The following SGCZ variants were observed in gnomAD, a reference collection of about 807,000 sequenced individuals.
SGCZ encodes sarcoglycan zeta, also known as zeta-sarcoglycan.
In SGCZ, 40 loss-of-function variants were observed where a neutral mutation model predicts 41.3. The observed-to-expected ratio is 0.97, with a 90% CI of 0.75 to 1.26. SGCZ has a LOEUF of 1.26. Among genes scored for constraint, SGCZ ranks in the 50% most tolerant of loss-of-function variants. The pLI, the probability that SGCZ is intolerant of heterozygous loss-of-function variation, is 0.00. For synonymous variants in SGCZ, 206 were observed against 137.5 expected, an observed-to-expected ratio of 1.50 and a Z score of -3.49; for missense variants, 552 against 369.8, an observed-to-expected ratio of 1.49 and a Z score of -4.04.
chr8:14,227,596 G>C (rs991340400), intron 4 of SGCZ, among the ~76,000 whole-genome samples: 3 of 152,006 alleles, frequency 2.0e-5, no homozygotes, highest in African/African-American at 7.2e-5. Context: ...ATTCAGAACT[G>C]ATTAAATATT....
chr8:15,120,622 G>T (rs554670373), intron 1 of SGCZ, among the ~76,000 whole-genome samples: 2 of 152,148 alleles, frequency 1.3e-5, no homozygotes, highest in African/African-American at 2.4e-5. Flanking sequence ...GTTTTGTGAT[G>T]TAATAGATAT....
At chr8:14,620,961 A>T (rs995742552) in intron 1 of SGCZ, among the ~76,000 whole-genome samples, 15 of 152,282 alleles carry the variant, frequency 9.9e-5, no homozygotes, top group South Asian at 2.1e-4. Context: ...AGGATTATAA[A>T]TCATGCTGCT....
In SGCZ at chr8:15,035,154, TA is replaced by T. The variant is rs529966055; in HGVS notation, c.39+202430del. Among the ~76,000 whole-genome samples the T allele has an allele frequency of 3.9e-5, 6 of 152,160 alleles. 1 individual carries two copies. The South Asian group carries it at 1.2e-3, about 32-fold the overall frequency. On this transcript the variant is annotated intron_variant, in intron 1 of 7. Coordinates refer to ENST00000382080, the MANE Select transcript of SGCZ (RefSeq NM_139167.4). Reference sequence around the variant, plus strand: ...GATAATAATAGCTATAATAACTTGCTAGGGGAAACACAATATAAAGAGGTGT... The same window carrying T: ...GATAATAATAGCTATAATAACTTGCTGGGGAAACACAATATAAAGAGGTGT...
At chr8:14,664,899 G>A (rs1382339267) in intron 1 of SGCZ, among the ~76,000 whole-genome samples, 1 of 152,150 alleles carries the variant, frequency 6.6e-6, no homozygotes, top group Admixed American at 6.6e-5. Flanking sequence ...AGTAGAGGTG[G>A]CTTTGAGACC....
At chr8:15,199,473 C>A (rs968867874) in intron 1 of SGCZ, among the ~76,000 whole-genome samples, 1 of 152,064 alleles carries the variant, frequency 6.6e-6, no homozygotes, top group African/African-American at 2.4e-5. Flanking sequence ...TTCGAATGAT[C>A]CATGTGTTCT....
chr8:14,377,760 A>C (rs545169807), intron 2 of SGCZ, among the ~76,000 whole-genome samples: 1 of 150,022 alleles, frequency 6.7e-6, no homozygotes, highest in African/African-American at 2.5e-5. Flanking sequence ...ATTCCCACCT[A>C]TGAGTGAGAA....
chr8:15,157,055 G>A (rs890191945), intron 1 of SGCZ, among the ~76,000 whole-genome samples: 1 of 151,668 alleles, frequency 6.6e-6, no homozygotes, highest in Non-Finnish European at 1.5e-5. Context: ...AAAAAAACAT[G>A]AACAGTGAAC....
chr8:15,190,469 G>T (rs1263479695), intron 1 of SGCZ, among the ~76,000 whole-genome samples: 5 of 152,064 alleles, frequency 3.3e-5, no homozygotes. Flanking sequence ...TCTAGTCAGA[G>T]AAATAGGCAA....
intron 1 of SGCZ, among the ~76,000 whole-genome samples, chr8:14,978,187 G>T (rs938653704): frequency 6.6e-6 from 1 of 151,758 alleles, no homozygotes; most frequent in Non-Finnish European, 1.5e-5. Flanking sequence ...GTGCCTGCTG[G>T]CCGGGTGTGG....
At chr8:14,348,721 G>A (rs145239606) in intron 2 of SGCZ, among the ~76,000 whole-genome samples, 1 of 152,060 alleles carries the variant, frequency 6.6e-6, no homozygotes, top group Admixed American at 6.6e-5. Context: ...AGCTGATTTG[G>A]TGTAAGAAGA....
chr8:14,837,506 G>T (rs989349431), intron 1 of SGCZ, among the ~76,000 whole-genome samples: 1 of 152,092 alleles, frequency 6.6e-6, no homozygotes, highest in African/African-American at 2.4e-5. Flanking sequence ...CCCAACTCCC[G>T]TTGCATCAGG....
intron 3 of SGCZ, among the ~76,000 whole-genome samples, chr8:14,245,060 C>G (rs1012294867): frequency 6.6e-6 from 1 of 152,210 alleles, no homozygotes; most frequent in African/African-American, 2.4e-5. Flanking sequence ...TTGACTTCCT[C>G]TTTTCCTAAT....
intron 3 of SGCZ, among the ~76,000 whole-genome samples, chr8:14,269,683 G>C (rs1799997522): frequency 6.6e-6 from 1 of 151,990 alleles, no homozygotes; most frequent in African/African-American, 2.4e-5. Context: ...AAAAATTCTG[G>C]AGGACAAAAT....
intron 1 of SGCZ, among the ~76,000 whole-genome samples, chr8:14,841,870 C>T (rs1802927800): frequency 6.6e-6 from 1 of 152,098 alleles, no homozygotes; most frequent in African/African-American, 2.4e-5. Flanking sequence ...TGAATGAGGA[C>T]AAGATGAGAA....
At chr8:14,563,136 G>C (rs545425958) in intron 1 of SGCZ, among the ~76,000 whole-genome samples, 1 of 152,224 alleles carries the variant, frequency 6.6e-6, no homozygotes, top group South Asian at 2.1e-4. Flanking sequence ...ACTGAGTGTC[G>C]CCTCCTCCAC....
Position 14,793,428 on chromosome 8 carries a change from C to T in SGCZ, c.40-238502G>A, listed in dbSNP as rs530299527. 4.1e-4 allele frequency among the ~76,000 whole-genome samples: 62 copies of T among 152,138 alleles called. No individual in the cohort carries two copies. In the South Asian group the frequency reaches 4.6e-3, roughly 11 times the overall value. On this transcript the variant is annotated intron_variant, in intron 1 of 7. Transcript: ENST00000382080. ...TTAATTTTGCTTTCTTTCAGAAAAA[C>T]GCAAAAGCTATGGCAAATAAACAAT...
intron 2 of SGCZ, among the ~76,000 whole-genome samples, chr8:14,521,238 A>G (rs1802779906): frequency 6.6e-6 from 1 of 152,150 alleles, no homozygotes; most frequent in South Asian, 2.1e-4. Flanking sequence ...ATCCCTGACA[A>G]CCACTAATCT....
At chr8:15,190,334 T>TTTCATTCATTCATTCA (rs111964133) in intron 1 of SGCZ, among the ~76,000 whole-genome samples, 60 of 150,602 alleles carry the variant, frequency 4.0e-4, no homozygotes, top group Non-Finnish European at 5.6e-4. Flanking sequence ...GGATAATTCA[T>TTTCATTCATTCATTCA]TTCATTCATT....
chr8:14,613,227 T>A (rs1805987505), intron 1 of SGCZ, among the ~76,000 whole-genome samples: 2 of 152,154 alleles, frequency 1.3e-5, no homozygotes, highest in African/African-American at 4.8e-5. Flanking sequence ...TTTTAAATAG[T>A]ATGAAAGTTT....
Sources: gnomAD v4.1 joint callset for allele counts (sites outside exome capture counted in the v4.1 genomes callset) on GRCh38, gnomAD v4.1.1 for gene constraint, MANE v1.5 for transcripts, NCBI Gene and HGNC (gene_info 2026-07-23, HGNC 2026-07-21) for gene names.